TRAPPC6A: variants seen among roughly 807,000 people sequenced by gnomAD.
The protein encoded by TRAPPC6A is trafficking protein particle complex subunit 6A.
Under a neutral mutation model 20.8 loss-of-function variants are expected in TRAPPC6A, and 25 were observed. That is an observed-to-expected ratio of 1.20 (90% CI 0.88 to 1.68). TRAPPC6A has a LOEUF of 1.68. Among genes scored for constraint, TRAPPC6A ranks in the 40% most tolerant of loss-of-function variants. The pLI, the probability that TRAPPC6A is intolerant of heterozygous loss-of-function variation, is 0.00. For synonymous variants in TRAPPC6A, 96 were observed against 93.3 expected (o/e 1.03, Z -0.16); for missense variants, 215 against 211.6 (o/e 1.02, Z -0.10).
At chr19:45,176,857 C>A (rs1276703434) in intron 1 of TRAPPC6A, among the ~76,000 whole-genome samples, 2 of 148,094 alleles carry the variant, frequency 1.4e-5, no homozygotes, top group Admixed American at 1.3e-4. Flanking sequence ...AATGGTGAAA[C>A]CCCGTATCTA....
chr19:45,174,083 A>G (rs1055731447), intron 1 of TRAPPC6A, among the ~76,000 whole-genome samples: 2 of 152,164 alleles, frequency 1.3e-5, no homozygotes, highest in Non-Finnish European at 2.9e-5. Flanking sequence ...TGGGAAATGC[A>G]AGTGAGAGTT....
intron 1 of TRAPPC6A, among the ~76,000 whole-genome samples, chr19:45,169,007 T>C (rs888633742): frequency 6.6e-6 from 1 of 152,242 alleles, no homozygotes; most frequent in Non-Finnish European, 1.5e-5. Flanking sequence ...CCTGTTGCAC[T>C]GTCTCCCTCT....
At chr19:45,168,346 A>C (rs1377755403) in intron 1 of TRAPPC6A, among the ~76,000 whole-genome samples, 1 of 152,216 alleles carries the variant, frequency 6.6e-6, no homozygotes, top group Non-Finnish European at 1.5e-5. Context: ...AAAACCAGTA[A>C]GACATTTACT....
chr19:45,172,132 C>T lies in TRAPPC6A; in HGVS notation c.84+6003G>A, dbSNP rs929140655. On this transcript the variant is annotated intron_variant, in intron 1 of 5. Transcript: ENST00000585934. The surrounding 1 kb of genome is among the most constrained non-coding windows in gnomAD (Gnocchi z 4.2). Reference sequence around the variant, plus strand: ...CAGGAGAATGGCCACAAATAACCACCGTACCAGGCAGGATAGGAGGTCACA... The same window carrying T: ...CAGGAGAATGGCCACAAATAACCACTGTACCAGGCAGGATAGGAGGTCACA... Among the ~76,000 whole-genome samples, 2 of 151,836 alleles carry T rather than the reference C, an allele frequency of 1.3e-5. No homozygotes were observed. Among genetic ancestry groups the T allele is most frequent in the Admixed American group, 1.3e-4 (2 of 15,248 alleles).
At position 45,163,218 on chromosome 19, in the gene TRAPPC6A, A is replaced by G; in HGVS notation, c.454T>C (p.Phe152Leu). 6.2e-7 allele frequency: 1 copy of G among 1,613,894 alleles called. No homozygotes were observed. The highest frequency in any genetic ancestry group is 8.5e-7 in the Non-Finnish European group (1 of 1,179,876). The change falls in exon 6 of 6, where the codon TTC (phenylalanine) becomes CTC (leucine). Residue 152 changes from phenylalanine to leucine, a missense_variant. Physicochemically the swap from Phe to Leu is conservative, Grantham distance 22. Transcript: ENST00000585934. This position sits in a 1 kb window ranked among gnomAD's most constrained non-coding sequence, Gnocchi z 5.3. The part of the protein sequence containing the change: ...ASVAALPVCK[F>L]QVVIPKS ...TAGGATTTCGGAATCACCACCTGGA[A>G]CTTACCTGGAAGAGAAGGCCTGGCT... is the stretch of plus-strand genomic sequence containing the variant.
chr19:45,171,087 A>C (rs1356190502), intron 1 of TRAPPC6A, among the ~76,000 whole-genome samples: 1 of 152,188 alleles, frequency 6.6e-6, no homozygotes, highest in Non-Finnish European at 1.5e-5. Context: ...GGATCACTTG[A>C]GGTTAGGAGT....
rs115095268 is a variant in TRAPPC6A, at chr19:45,164,722, G to A, written c.270+131C>T. ...CCTTAGAGGATCAGACAGAGCAAGA[G>A]CTGCGGCCGCCTGTGGGAAAGCTCT... On this transcript the variant is annotated intron_variant, in intron 3 of 5. Coordinates refer to ENST00000585934, the MANE Select transcript of TRAPPC6A (RefSeq NM_001270891.2). 2.0e-3 allele frequency: 1,623 copies of A among 825,068 alleles called. 16 individuals carry two copies. The African/African-American group carries it at 0.023, about 12-fold the overall frequency. The allele number at this position is 825,068 out of a possible 1,614,324, so 51.1% of individuals were successfully genotyped here.
chr19:45,176,606 C>T (rs1367371039), intron 1 of TRAPPC6A, among the ~76,000 whole-genome samples: 1 of 152,170 alleles, frequency 6.6e-6, no homozygotes, highest in East Asian at 1.9e-4. Context: ...GTGCAAGTCG[C>T]CACATCTGGC....
chr19:45,164,990 C>A lies in TRAPPC6A; in HGVS notation c.153-20G>T. On this transcript the variant is annotated intron_variant, in intron 2 of 5. Coordinates refer to ENST00000585934, the MANE Select transcript of TRAPPC6A (RefSeq NM_001270891.2). ...GGCAGCCTGGTGGGGCAGTACCAAG[C>A]TGAGGCCGTGGGGCCAGGCCAGGAA... The A allele has an allele frequency of 6.2e-7, 1 of 1,613,396 alleles. No individual in the cohort carries two copies. The highest frequency in any genetic ancestry group is 8.5e-7 in the Non-Finnish European group (1 of 1,179,362).
rs1296590684 is a variant in TRAPPC6A, at chr19:45,172,712, G to T, written c.84+5423C>A. Among the ~76,000 whole-genome samples, 4 of 151,820 alleles carry T rather than the reference G, an allele frequency of 2.6e-5. No homozygotes were observed. In the East Asian group the frequency reaches 7.7e-4, roughly 29 times the overall value. On this transcript the variant is annotated intron_variant, in intron 1 of 5. Coordinates refer to ENST00000585934, the MANE Select transcript of TRAPPC6A (RefSeq NM_001270891.2). This position sits in a 1 kb window ranked among gnomAD's most constrained non-coding sequence, Gnocchi z 4.2. ...CTCAGAACTCCCCATCCTGTCCCCT[G>T]GCCCAGCCCGGAAGGTTGAGCCCAC...
At position 45,163,011 on chromosome 19, in the gene TRAPPC6A, G is replaced by GTGTA; in HGVS notation, c.*180_*181insTACA. ...CGGGAATCCCACCACAGTCCTGACCGCAGCTGGGACCCCTTTGCCTCCTCT... is the reference window on the plus strand; with the variant it reads ...CGGGAATCCCACCACAGTCCTGACCGTGTACAGCTGGGACCCCTTTGCCTCCTCT... On this transcript the variant is annotated 3_prime_UTR_variant, in exon 6 of 6. Coordinates refer to ENST00000585934, the MANE Select transcript of TRAPPC6A (RefSeq NM_001270891.2). The surrounding 1 kb of genome is among the most constrained non-coding windows in gnomAD (Gnocchi z 5.3). The GTGTA allele has an allele frequency of 1.6e-6, 1 of 612,450 alleles. No individual in the cohort carries two copies. Among genetic ancestry groups the GTGTA allele is most frequent in the East Asian group, 3.1e-5 (1 of 32,184 alleles). The allele number at this position is 612,450 out of a possible 1,614,324, so 37.9% of individuals were successfully genotyped here. A position where few individuals can be genotyped will look rare whatever the true frequency, so the allele number is the denominator to read the frequency against.
At position 45,172,918 on chromosome 19, in the gene TRAPPC6A, C is replaced by T. The variant is rs1442842264; in HGVS notation, c.84+5217G>A. ...ATGGAGCCCCAGTTCCCAGGAGGGC[C>T]TCGCTGGAGCTCCCAGCCACAGATG... On this transcript the variant is annotated intron_variant, in intron 1 of 5. Coordinates refer to ENST00000585934, the MANE Select transcript of TRAPPC6A (RefSeq NM_001270891.2). The surrounding 1 kb of genome is among the most constrained non-coding windows in gnomAD (Gnocchi z 4.2). Among the ~76,000 whole-genome samples the T allele has an allele frequency of 6.6e-6, 1 of 151,694 alleles. No individual in the cohort carries two copies. The highest frequency in any genetic ancestry group is 1.5e-5 in the Non-Finnish European group (1 of 68,024).
At chr19:45,169,692 C>T (rs1480839405) in intron 1 of TRAPPC6A, among the ~76,000 whole-genome samples, 1 of 152,224 alleles carries the variant, frequency 6.6e-6, no homozygotes, top group Admixed American at 6.5e-5. Flanking sequence ...CTGTAGCCAG[C>T]ACCTAGAACA....
At position 45,172,524 on chromosome 19, in the gene TRAPPC6A, G is replaced by A. The variant is rs1202773245; in HGVS notation, c.84+5611C>T. ...GTGTGGTGGGGAACCCAGGGAAGGA[G>A]CAGCCCTGGTTAAGAAAAGCACACA... On this transcript the variant is annotated intron_variant, in intron 1 of 5. Coordinates refer to ENST00000585934, the MANE Select transcript of TRAPPC6A (RefSeq NM_001270891.2). The surrounding 1 kb of genome is among the most constrained non-coding windows in gnomAD (Gnocchi z 4.2). Among the ~76,000 whole-genome samples, 1 of 151,640 alleles carries A rather than the reference G, an allele frequency of 6.6e-6. No homozygotes were observed. The highest frequency in any genetic ancestry group is 2.4e-5 in the African/African-American group (1 of 40,924).
chr19:45,176,351 C>T (rs1969374931), intron 1 of TRAPPC6A, among the ~76,000 whole-genome samples: 1 of 151,712 alleles, frequency 6.6e-6, no homozygotes, highest in Non-Finnish European at 1.5e-5. Context: ...GTAGTCCCAA[C>T]TACTCAGGAG....
chr19:45,164,617 T>G lies in TRAPPC6A; in HGVS notation c.270+236A>C. 5.1e-6 allele frequency: 3 copies of G among 590,996 alleles called. No individual in the cohort carries two copies. In the South Asian group the frequency reaches 6.0e-5, roughly 12 times the overall value. The allele number at this position is 590,996 out of a possible 1,614,324, so 36.6% of individuals were successfully genotyped here. A position where few individuals can be genotyped will look rare whatever the true frequency, so the allele number is the denominator to read the frequency against. The stretch of plus-strand genomic sequence containing the variant: ...GGGCAGGCAGCCACCAGGGGCTTTC[T>G]GCCCATGCATGGCTCACTCCTGGTA... On this transcript the variant is annotated intron_variant, in intron 3 of 5. Coordinates refer to ENST00000585934, the MANE Select transcript of TRAPPC6A (RefSeq NM_001270891.2).
At position 45,162,963 on chromosome 19, in the gene TRAPPC6A, A is replaced by G. The variant is rs918716892; in HGVS notation, c.*229T>C. ...CACACACAGCCTTTATTGAGCAGCT[A>G]CTGGGCAGTGACGCTGCCGAGGCGG... On this transcript the variant is annotated 3_prime_UTR_variant, in exon 6 of 6. Coordinates refer to ENST00000585934, the MANE Select transcript of TRAPPC6A (RefSeq NM_001270891.2). 7 of 427,038 alleles carry G rather than the reference A, an allele frequency of 1.6e-5. No individual in the cohort carries two copies. The highest frequency in any genetic ancestry group is 1.4e-4 in the African/African-American group (7 of 49,202). The allele number at this position is 427,038 out of a possible 1,614,324, so 26.5% of individuals were successfully genotyped here. A position where few individuals can be genotyped will look rare whatever the true frequency, so the allele number is the denominator to read the frequency against.
intron 1 of TRAPPC6A, among the ~76,000 whole-genome samples, chr19:45,171,096 G>GT (rs1450901764): frequency 1.3e-5 from 2 of 152,246 alleles, no homozygotes; most frequent in Non-Finnish European, 2.9e-5. Flanking sequence ...GAGGTTAGGA[G>GT]TTTGAGACCA....
In TRAPPC6A at chr19:45,164,223, T is replaced by C. The variant is rs1555748376; in HGVS notation, c.295A>G (p.Ser99Gly). 11 of 1,608,418 alleles carry C rather than the reference T, an allele frequency of 6.8e-6. No homozygotes were observed. The South Asian group carries it at 1.2e-4, about 18-fold the overall frequency. The change falls in exon 4 of 6, where the codon AGC (serine) becomes GGC (glycine). Residue 99 changes from serine (S) to glycine (G), a missense_variant. Physicochemically the swap from Ser to Gly is moderately conservative, Grantham distance 56 (BLOSUM62 0). Coordinates refer to ENST00000585934, the MANE Select transcript of TRAPPC6A (RefSeq NM_001270891.2). Reference protein sequence around the residue: ...HQGTYVLQDNSFPLLLPMASG... With the variant: ...HQGTYVLQDNGFPLLLPMASG... ...GCCATCGGGAGGAGGAGGGGGAAGC[T>C]GTTGTCTTGCAGGACGTAGGTCCCC...
Sources: allele counts gnomAD v4.1 joint callset (sites outside exome capture counted in the v4.1 genomes callset), GRCh38; gene constraint gnomAD v4.1.1; non-coding constraint Gnocchi (gnomAD v3.1); transcripts MANE v1.5; gene names NCBI Gene and HGNC (gene_info 2026-07-23, HGNC 2026-07-21).